Variants in NBAS observed in about 807,000 individuals in gnomAD.
NBAS encodes NBAS subunit of NRZ tethering complex, also known as NAG/BC035112 fusion.
A neutral mutation model predicts 302.5 loss-of-function variants in NBAS; 219 were observed. That is an observed-to-expected ratio of 0.72 (90% CI 0.65 to 0.81). The LOEUF (loss-of-function observed/expected upper bound fraction) is 0.81. Ranked by LOEUF, NBAS falls within the 30% of genes least tolerant of loss-of-function variation. The probability of loss-of-function intolerance (pLI) is 0.00; values close to 1 mark genes in which losing one functional copy is unlikely to be tolerated. For synonymous variants in NBAS, 1,118 were observed against 1,021.6 expected, an observed-to-expected ratio of 1.09 and a Z score of -1.80; for missense variants, 2,932 against 2,841.6, an observed-to-expected ratio of 1.03 and a Z score of -0.72.
chr2:15,331,453 T>C (rs1672344872), intron 35 of NBAS, among the ~76,000 whole-genome samples: 1 of 152,228 alleles, frequency 6.6e-6, no homozygotes, highest in African/African-American at 2.4e-5. Flanking sequence ...ATATTATTTG[T>C]TCTATAACTT....
chr2:15,452,796 G>A (rs556852189), intron 21 of NBAS, among the ~76,000 whole-genome samples: 123 of 152,210 alleles, frequency 8.1e-4, no homozygotes, highest in Non-Finnish European at 1.5e-3. Flanking sequence ...TTCCAGATTC[G>A]GTTTCAAGAG....
At chr2:14,998,972 A>G in the NBAS span, among the ~76,000 whole-genome samples, 1 of 152,166 alleles carries the variant, frequency 6.6e-6, no homozygotes, top group Admixed American at 6.5e-5. Flanking sequence ...AGGTGAGCAT[A>G]CAATGCTCAG....
At chr2:15,550,582 C>T (rs1664331291) in intron 6 of NBAS, among the ~76,000 whole-genome samples, 1 of 139,906 alleles carries the variant, frequency 7.1e-6, no homozygotes, top group South Asian at 2.3e-4. Flanking sequence ...TTCCTTCTTT[C>T]TGTCTTTTCT....
At chr2:14,987,689 T>G in the NBAS span, among the ~76,000 whole-genome samples, 3 of 152,064 alleles carry the variant, frequency 2.0e-5, no homozygotes, top group Admixed American at 6.6e-5. Context: ...TAAAGTAAGA[T>G]GGGCTAATTA....
chr2:15,305,307 T>C (rs537819082), intron 40 of NBAS, among the ~76,000 whole-genome samples: 16 of 152,098 alleles, frequency 1.1e-4, no homozygotes, highest in South Asian at 1.0e-3. Flanking sequence ...TTCTCTTTCC[T>C]GCCATTTTGT....
chr2:15,213,385 G>C (rs1418181412), intron 48 of NBAS, among the ~76,000 whole-genome samples: 1 of 152,112 alleles, frequency 6.6e-6, no homozygotes. Context: ...ACCATGTATC[G>C]AGACGTGACA....
rs1288317358 is a variant in NBAS at position 15,474,072 on chromosome 2, T to C, written c.1594A>G (p.Arg532Gly). 1.2e-6 allele frequency: 2 copies of C among 1,614,210 alleles called. No homozygotes were observed. The highest frequency in any genetic ancestry group is 1.6e-4 in the Middle Eastern group (1 of 6,062). The change falls in exon 15 of 52, where the codon AGG becomes GGG. Residue 532 changes from arginine (R) to glycine (G), a missense_variant. Coordinates refer to ENST00000281513, the MANE Select transcript of NBAS (RefSeq NM_015909.4). ...RSTTPEELYQ[R>G]KIESEEYEEA... ...GTAATATGCTACTCTCTCACCTTCC[T>C]CTGATAAAGTTCCTCTGGTGTCGTG...
At chr2:14,783,362 C>A in the NBAS span, among the ~76,000 whole-genome samples, 2 of 151,568 alleles carry the variant, frequency 1.3e-5, no homozygotes, top group Non-Finnish European at 2.9e-5. Context: ...GGTACATGTG[C>A]ACAATGTGCA....
rs1679783318 is a variant in NBAS at position 15,467,708 on chromosome 2, C to T, written c.1974G>A (p.Glu658=). The change falls in exon 18 of 52, where the codon GAG becomes GAA. Residue 658 remains glutamate, a synonymous_variant. Coordinates refer to ENST00000281513, the MANE Select transcript of NBAS (RefSeq NM_015909.4). ...TCAGTAGTTCTTGTCTCTTCTTGAG[C>T]TCCTTTTCCTTTTTATTCTTGGCAG... The part of the protein sequence containing the change: ...EEPAKNKKEK[E]LKKRQELLKL... The T allele has an allele frequency of 1.6e-5, 25 of 1,612,312 alleles. No individual in the cohort carries two copies. Among genetic ancestry groups the T allele is most frequent in the Non-Finnish European group, 2.0e-5 (23 of 1,178,874 alleles).
intron 32 of NBAS, among the ~76,000 whole-genome samples, chr2:15,360,498 A>C (rs1673856764): frequency 6.6e-6 from 1 of 151,922 alleles, no homozygotes; most frequent in Admixed American, 6.6e-5. Flanking sequence ...AGCATGCATC[A>C]CCACACCCAG....
intron 21 of NBAS, among the ~76,000 whole-genome samples, chr2:15,440,621 C>T (rs181369614): frequency 0.013 from 1,935 of 152,276 alleles, 31 homozygotes; most frequent in East Asian, 0.059. Flanking sequence ...TCCAAAGGAA[C>T]GCAGTTCCTC....
At chr2:14,814,703 C>T in the NBAS span, among the ~76,000 whole-genome samples, 10 of 152,016 alleles carry the variant, frequency 6.6e-5, no homozygotes, top group African/African-American at 1.5e-4. Flanking sequence ...AGTTAATGTT[C>T]GAATGAGTTA....
chr2:15,356,175 T>C, intron 33 of NBAS, 128 bp downstream of exon 33: 1 of 758,062 alleles, frequency 1.3e-6, no homozygotes, highest in Non-Finnish European at 2.4e-6. Flanking sequence ...CCAGTGCTCA[T>C]AAAATGTATC....
rs1674368769 is a variant in NBAS, at chr2:15,369,231, C to A, written c.3704-2538G>T. ...GGCTTTGTTGATGAATTATTGTATT[C>A]TTCTTAGAGAAGCTCTAGCTTTAGT... On this transcript the variant is annotated intron_variant, in intron 31 of 51. Transcript: ENST00000281513. 2.0e-5 allele frequency among the ~76,000 whole-genome samples: 3 copies of A among 151,890 alleles called. No individual in the cohort carries two copies. The South Asian group carries it at 6.2e-4, about 32-fold the overall frequency.
At chr2:15,236,475 G>A (rs1667597150) in intron 45 of NBAS, among the ~76,000 whole-genome samples, 1 of 139,518 alleles carries the variant, frequency 7.2e-6, no homozygotes, top group Non-Finnish European at 1.5e-5. Context: ...CTTGAGCCCA[G>A]GAGGTAGAGG....
At chr2:14,829,929 AT>A in the NBAS span, among the ~76,000 whole-genome samples, 1 of 152,236 alleles carries the variant, frequency 6.6e-6, no homozygotes, top group Non-Finnish European at 1.5e-5. Context: ...TATCAAAGAC[AT>A]ATTGGTTAAA....
chr2:15,473,121 A>C, intron 16 of NBAS, 101 bp downstream of exon 16: 2 of 1,328,914 alleles, frequency 1.5e-6, no homozygotes, highest in South Asian at 2.5e-5. Flanking sequence ...GCTGTATTAT[A>C]GAAAAGTCAG....
the NBAS span, among the ~76,000 whole-genome samples, chr2:15,092,288 G>C: frequency 6.6e-6 from 1 of 152,156 alleles, no homozygotes; most frequent in African/African-American, 2.4e-5. Flanking sequence ...AGAGCTGGTG[G>C]TGAGTCAATT....
chr2:15,325,849 T>C (rs1672039284), intron 38 of NBAS, among the ~76,000 whole-genome samples: 1 of 152,248 alleles, frequency 6.6e-6, no homozygotes, highest in South Asian at 2.1e-4. Flanking sequence ...CACACCTTCC[T>C]CACTAAGCTT....
Sources: gnomAD v4.1 joint callset for allele counts (sites outside exome capture counted in the v4.1 genomes callset) on GRCh38, gnomAD v4.1.1 for gene constraint, MANE v1.5 for transcripts, NCBI Gene and HGNC (gene_info 2026-07-23, HGNC 2026-07-21) for gene names.